The following NUGGC variants were observed in gnomAD, a reference collection of about 807,000 sequenced individuals.
NUGGC encodes nuclear GTPase, germinal center associated.
Under a neutral mutation model 92.6 loss-of-function variants are expected in NUGGC, and 58 were observed. That is an observed-to-expected ratio of 0.63 (90% CI 0.51 to 0.78). The LOEUF is 0.78. NUGGC is among the 30% of genes least tolerant of loss of function. NUGGC has a pLI of 0.00. For synonymous variants in NUGGC, 376 were observed against 366.4 expected, an observed-to-expected ratio of 1.03 and a Z score of -0.30; for missense variants, 925 against 964.6, an observed-to-expected ratio of 0.96 and a Z score of 0.54.
chr8:28,071,279 T>C (rs1810583764), intron 2 of NUGGC, among the ~76,000 whole-genome samples: 1 of 152,108 alleles, frequency 6.6e-6, no homozygotes, highest in Non-Finnish European at 1.5e-5. Flanking sequence ...AAGTGTGCAG[T>C]GAGGAAAGGC....
At chr8:28,057,428 G>A (rs1444931908) in intron 9 of NUGGC, among the ~76,000 whole-genome samples, 5 of 145,264 alleles carry the variant, frequency 3.4e-5, no homozygotes, top group Non-Finnish European at 7.4e-5. Flanking sequence ...TGCAACCTCC[G>A]CCTCCCAGGT....
At position 28,041,171 on chromosome 8, in the gene NUGGC, C is replaced by T. The variant is rs1809689000; in HGVS notation, c.1491G>A (p.Glu497=). The change falls in exon 13 of 19, where the codon GAG becomes GAA. Residue 497 remains glutamate (E), a synonymous_variant. Coordinates refer to ENST00000413272, the MANE Select transcript of NUGGC (RefSeq NM_001010906.2). ...TGGCCTTCTCCAGCAGCTCAACCTTCTCTTCCGCAAATCTCCGCAGGACAC... is the reference window on the plus strand; with the variant it reads ...TGGCCTTCTCCAGCAGCTCAACCTTTTCTTCCGCAAATCTCCGCAGGACAC... ...HMSVLRRFAE[E]KVELLEKAIA... 6.2e-7 allele frequency: 1 copy of T among 1,611,324 alleles called. No homozygotes were observed. The highest frequency in any genetic ancestry group is 1.3e-5 in the African/African-American group (1 of 74,900).
At chr8:28,059,241 C>T (rs1189275163) in intron 8 of NUGGC, among the ~76,000 whole-genome samples, 1 of 152,186 alleles carries the variant, frequency 6.6e-6, no homozygotes, top group Non-Finnish European at 1.5e-5. Context: ...CGTGACATCA[C>T]ATCCCGTGAG....
chr8:28,042,912 G>A (rs1018198608), intron 12 of NUGGC, among the ~76,000 whole-genome samples: 1 of 152,194 alleles, frequency 6.6e-6, no homozygotes, highest in Admixed American at 6.5e-5. Flanking sequence ...AGTGAATTGG[G>A]TTGAATGATC....
chr8:28,042,834 C>G (rs1809733723), intron 12 of NUGGC, among the ~76,000 whole-genome samples: 1 of 152,168 alleles, frequency 6.6e-6, no homozygotes, highest in South Asian at 2.1e-4. Context: ...ACAGAAATAG[C>G]TCTCGAATCG....
chr8:28,045,185 C>G (rs1809798123), intron 12 of NUGGC, among the ~76,000 whole-genome samples: 1 of 152,126 alleles, frequency 6.6e-6, no homozygotes, highest in Non-Finnish European at 1.5e-5. Flanking sequence ...TCCAGGGTAA[C>G]CAAGAAGTGT....
intron 10 of NUGGC, among the ~76,000 whole-genome samples, chr8:28,049,929 T>C (rs1377419408): frequency 6.6e-6 from 1 of 151,658 alleles, no homozygotes; most frequent in Non-Finnish European, 1.5e-5. Flanking sequence ...CTACTAAAAA[T>C]ACAAAAAATT....
In NUGGC at chr8:28,041,104, CT is replaced by C; in HGVS notation, c.1557del (p.Val521SerfsTer17). On this transcript the variant is annotated frameshift_variant, in exon 13 of 19. Transcript: ENST00000413272. LOFTEE classifies it high-confidence loss of function. ...TAAGAAGTCCTGGCGGTCCTGACCC[CT>C]TCTTGCAGAGGCTGCTCCATGCAGG... ...CFACMEQPLQ[E>X]GVRTARTSYR... The C allele has an allele frequency of 6.2e-7, 1 of 1,608,340 alleles. No individual in the cohort carries two copies. Among genetic ancestry groups the C allele is most frequent in the Non-Finnish European group, 8.5e-7 (1 of 1,177,604 alleles).
At chr8:28,068,705 T>G (rs934666285) in intron 4 of NUGGC, among the ~76,000 whole-genome samples, 1 of 152,170 alleles carries the variant, frequency 6.6e-6, no homozygotes, top group African/African-American at 2.4e-5. Context: ...GTGTCTTTAT[T>G]TGTATTCACT....
chr8:28,066,839 A>G (rs1810450583), intron 6 of NUGGC, among the ~76,000 whole-genome samples: 1 of 152,184 alleles, frequency 6.6e-6, no homozygotes, highest in Non-Finnish European at 1.5e-5. Flanking sequence ...GAGGCAGTGG[A>G]GTGAAACTGG....
intron 7 of NUGGC, among the ~76,000 whole-genome samples, chr8:28,064,240 T>C (rs1408232700): frequency 6.6e-6 from 1 of 152,218 alleles, no homozygotes; most frequent in Non-Finnish European, 1.5e-5. Flanking sequence ...CTTCTGTCCT[T>C]GGTCACTCTG....
chr8:28,051,822 T>C (rs1375096305), intron 10 of NUGGC, among the ~76,000 whole-genome samples: 1 of 152,108 alleles, frequency 6.6e-6, no homozygotes. Flanking sequence ...CTTGGGAGGC[T>C]GAGGCAGGAG....
At chr8:28,031,753 T>TA (rs1809423665) in intron 14 of NUGGC, among the ~76,000 whole-genome samples, 1 of 152,168 alleles carries the variant, frequency 6.6e-6, no homozygotes, top group African/African-American at 2.4e-5. Flanking sequence ...GAACTATACC[T>TA]AAAAGTTGGG....
intron 9 of NUGGC, 33 bp from the exon 10 acceptor site, chr8:28,056,087 G>A: frequency 7.9e-7 from 1 of 1,259,794 alleles, no homozygotes; most frequent in South Asian, 1.3e-5. Flanking sequence ...AGCATGCAGA[G>A]AGTAGCGTTA....
rs34532311 is a variant in NUGGC at position 28,023,069 on chromosome 8, CAAAA to C, written c.*244_*247del. On this transcript the variant is annotated 3_prime_UTR_variant, in exon 19 of 19. Coordinates refer to ENST00000413272, the MANE Select transcript of NUGGC (RefSeq NM_001010906.2). Reference sequence around the variant, plus strand: ...TGGGTGACACAGCGAGACTCTGTCTCAAAAAAAAAAAAAAAAAAATTACCCAGGT... The same window carrying C: ...TGGGTGACACAGCGAGACTCTGTCTCAAAAAAAAAAAAAAATTACCCAGGT... The C allele has an allele frequency of 3.0e-3, 684 of 226,478 alleles. No individual in the cohort carries two copies. Among genetic ancestry groups the C allele is most frequent in the South Asian group, 4.0e-3 (31 of 7,814 alleles). The allele number at this position is 226,478 out of a possible 1,614,324, so 14.0% of individuals were successfully genotyped here.
chr8:28,037,685 T>G (rs1276731357), intron 13 of NUGGC, among the ~76,000 whole-genome samples: 1 of 152,178 alleles, frequency 6.6e-6, no homozygotes, highest in Non-Finnish European at 1.5e-5. Context: ...GAAATAGGCA[T>G]GTGACCCACT....
At chr8:28,047,733 CCT>C in intron 10 of NUGGC, 121 bp from the exon 11 acceptor site, 1 of 594,088 alleles carries the variant, frequency 1.7e-6, no homozygotes, top group East Asian at 2.9e-5. Context: ...TCTCCATGAC[CCT>C]CTCTGGGAAC....
intron 10 of NUGGC, among the ~76,000 whole-genome samples, chr8:28,050,118 G>C (rs1208679014): frequency 6.6e-6 from 1 of 152,154 alleles, no homozygotes; most frequent in Non-Finnish European, 1.5e-5. Context: ...GGGCACGGTG[G>C]CTCATGCCTG....
chr8:28,036,804 G>T lies in NUGGC; in HGVS notation c.1612-3107C>A, dbSNP rs530175221. ...ACAACCTTTGTTGAGATCTTGCCATGTCTCATCTTAACAAAGCACCTACTG... is the reference window on the plus strand; with the variant it reads ...ACAACCTTTGTTGAGATCTTGCCATTTCTCATCTTAACAAAGCACCTACTG... On this transcript the variant is annotated intron_variant, in intron 13 of 18. Transcript: ENST00000413272. 2.0e-5 allele frequency among the ~76,000 whole-genome samples: 3 copies of T among 152,278 alleles called. No homozygotes were observed. In the East Asian group the frequency reaches 5.8e-4, roughly 29 times the overall value.
Sources: allele counts gnomAD v4.1 joint callset (sites outside exome capture counted in the v4.1 genomes callset), GRCh38; gene constraint gnomAD v4.1.1; transcripts MANE v1.5; gene names NCBI Gene and HGNC (gene_info 2026-07-23, HGNC 2026-07-21).